The following MIER1 variants were observed in gnomAD, a reference collection of about 807,000 sequenced individuals.
MIER1 encodes mesoderm induction early response protein 1.
Under a neutral mutation model 75.7 loss-of-function variants are expected in MIER1, and 40 were observed. That is an observed-to-expected ratio of 0.53 (90% CI 0.41 to 0.69). MIER1 has a LOEUF of 0.69. Ranked by LOEUF, MIER1 falls within the 30% of genes least tolerant of loss-of-function variation. MIER1 has a pLI of 0.00. For missense variants in MIER1, 574 were observed against 680.2 expected (o/e 0.84, Z 1.74); for synonymous variants, 213 against 223.4 (o/e 0.95, Z 0.42).
chr1:66,929,752 C>T (rs1206519586), intron 2 of MIER1, among the ~76,000 whole-genome samples: 1 of 152,178 alleles, frequency 6.6e-6, no homozygotes, highest in Non-Finnish European at 1.5e-5. Flanking sequence ...AATTTTTGCT[C>T]TGACCTCTCT....
intron 3 of MIER1, chr1:66,940,266 TTTTC>T (rs1355896758): frequency 2.8e-5 from 9 of 324,090 alleles, no homozygotes; most frequent in Admixed American, 6.5e-5. Flanking sequence ...TATTTTTGGG[TTTTC>T]TTTTTTTTTT....
chr1:66,926,840 C>G (rs1371379739), intron 2 of MIER1, among the ~76,000 whole-genome samples: 1 of 152,072 alleles, frequency 6.6e-6, no homozygotes, highest in Non-Finnish European at 1.5e-5. Context: ...ACCCCAGAGT[C>G]TAAATTGTTA....
intron 3 of MIER1, among the ~76,000 whole-genome samples, chr1:66,945,011 A>G (rs1287170168): frequency 6.6e-6 from 1 of 152,074 alleles, no homozygotes; most frequent in Non-Finnish European, 1.5e-5. Context: ...AAGCATGAGC[A>G]ACTACATCCA....
At chr1:66,933,570 A>C (rs1653966522) in intron 2 of MIER1, among the ~76,000 whole-genome samples, 1 of 152,106 alleles carries the variant, frequency 6.6e-6, no homozygotes, top group Non-Finnish European at 1.5e-5. Flanking sequence ...TTTTTTAACG[A>C]AGGATTATGT....
intron 3 of MIER1, among the ~76,000 whole-genome samples, chr1:66,941,437 T>C (rs1274349287): frequency 2.0e-5 from 3 of 152,186 alleles, no homozygotes; most frequent in Non-Finnish European, 2.9e-5. Flanking sequence ...ATTTTTTTTT[T>C]CAAACGCAGA....
Position 66,984,827 on chromosome 1 carries a change from C to G in MIER1, c.1625C>G (p.Pro542Arg), listed in dbSNP as rs770103027. The change falls in exon 14 of 14, where the codon CCA becomes CGA. Residue 542 changes from proline (P) to arginine (R), a missense_variant. Pro to Arg is a moderately radical substitution (Grantham distance 103, BLOSUM62 -2). Transcript: ENST00000401041. ...GTAAACAGCAATGGAAAAGAAAGTC[C>G]AGGTTCTTCTGAATTTTTCCAAGAA... ...RRVNSNGKES[P>R]GSSEFFQEAV... 1.2e-6 allele frequency: 2 copies of G among 1,611,166 alleles called. No individual in the cohort carries two copies. The highest frequency in any genetic ancestry group is 1.3e-5 in the African/African-American group (1 of 74,622).
chr1:66,952,432 A>G (rs12061039), intron 4 of MIER1, among the ~76,000 whole-genome samples: 9,495 of 152,182 alleles, frequency 0.062, 928 homozygotes, highest in African/African-American at 0.22. Flanking sequence ...ACACGATATC[A>G]TTACTGTTTA....
intron 5 of MIER1, among the ~76,000 whole-genome samples, 171 bp downstream of exon 5, chr1:66,958,391 T>C (rs1660593791): frequency 6.6e-6 from 1 of 152,108 alleles, no homozygotes; most frequent in Non-Finnish European, 1.5e-5. Context: ...CCCTGTAATT[T>C]ACTCCTGAGG....
At chr1:66,964,793 C>T (rs1039939377) in intron 8 of MIER1, among the ~76,000 whole-genome samples, 3 of 152,152 alleles carry the variant, frequency 2.0e-5, no homozygotes, top group African/African-American at 4.8e-5. Flanking sequence ...TGTGACATCA[C>T]TCAGGACTAG....
At chr1:66,977,113 CTTT>C (rs777495629) in intron 12 of MIER1, among the ~76,000 whole-genome samples, 1 of 144,028 alleles carries the variant, frequency 6.9e-6, no homozygotes, top group Non-Finnish European at 1.5e-5. Context: ...TTTTAATCTT[CTTT>C]TTTTTTTTTT....
In MIER1 at chr1:66,925,052, TGGCGGCAGCAGCGAAGGTGGC is replaced by T. The variant is rs766348846; in HGVS notation, c.38_58del (p.Glu13_Ser19del). 3.7e-5 allele frequency: 57 copies of T among 1,548,976 alleles called. No individual in the cohort carries two copies. The highest frequency in any genetic ancestry group is 1.7e-4 in the Middle Eastern group (1 of 5,984). ...GGATGGATGGGGCTTCTTCAGGCGG[TGGCGGCAGCAGCGAAGGTGGC>T]GGCGGCAGCAGCGGCAGCGGCTGTA... On this transcript the variant is annotated inframe_deletion, in exon 1 of 14. Transcript: ENST00000401041.
In MIER1 at chr1:66,976,659, A is replaced by G; in HGVS notation, c.1166A>G (p.Tyr389Cys). Residue 389 changes from tyrosine (Y) to cysteine (C), a missense_variant, in exon 12 of 14, where the codon TAT (tyrosine) becomes TGT (cysteine). By Grantham distance (194) the Tyr-to-Cys change is radical. Coordinates refer to ENST00000401041, the MANE Select transcript of MIER1 (RefSeq NM_001077700.3). ...TACATGTGGAAAAAATCTGAACGTTATGATTTCTTTGCTCAGCAAACACGA... is the reference window on the plus strand; with the variant it reads ...TACATGTGGAAAAAATCTGAACGTTGTGATTTCTTTGCTCAGCAAACACGA... The part of the protein sequence containing the change: ...FYYMWKKSER[Y>C]DFFAQQTRFG... 1.9e-6 allele frequency: 3 copies of G among 1,608,330 alleles called. No homozygotes were observed. The highest frequency in any genetic ancestry group is 2.5e-6 in the Non-Finnish European group (3 of 1,177,442).
intron 9 of MIER1, among the ~76,000 whole-genome samples, chr1:66,971,325 G>GT (rs1190654339): frequency 2.0e-5 from 3 of 151,700 alleles, no homozygotes; most frequent in African/African-American, 7.3e-5. Context: ...TTTAATCATT[G>GT]TTTTTTTCTG....
chr1:66,982,883 C>G (rs767105682), intron 13 of MIER1, among the ~76,000 whole-genome samples: 33 of 152,330 alleles, frequency 2.2e-4, no homozygotes, highest in Non-Finnish European at 4.3e-4. Flanking sequence ...GACTTGATGT[C>G]TAATGTTTGT....
intron 2 of MIER1, among the ~76,000 whole-genome samples, chr1:66,936,819 G>C (rs1279325303): frequency 6.6e-6 from 1 of 151,078 alleles, no homozygotes; most frequent in Non-Finnish European, 1.5e-5. Flanking sequence ...GCCAACATGT[G>C]TGAAACCCAT....
chr1:66,987,762 A>AATATAT lies in MIER1; in HGVS notation c.*2870_*2875dup, dbSNP rs147816624. ...AATGATGCATGTTATTGACAAGGCA[A>AATATAT]ATATATATATATACACAGTCTGTTT... On this transcript the variant is annotated 3_prime_UTR_variant, in exon 14 of 14. Transcript: ENST00000401041. The AATATAT allele has an allele frequency of 6.6e-6, 1 of 151,590 alleles. No individual in the cohort carries two copies. Among genetic ancestry groups the AATATAT allele is most frequent in the Admixed American group, 6.6e-5 (1 of 15,204 alleles). The allele number at this position is 151,590 out of a possible 1,614,324, so 9.4% of individuals were successfully genotyped here. A position where few individuals can be genotyped will look rare whatever the true frequency, so the allele number is the denominator to read the frequency against.
intron 3 of MIER1, among the ~76,000 whole-genome samples, chr1:66,941,820 A>T (rs1656284797): frequency 6.6e-6 from 1 of 152,010 alleles, no homozygotes; most frequent in Admixed American, 6.6e-5. Flanking sequence ...AAAATACGAA[A>T]ATTAGCCAGG....
At chr1:66,948,814 G>T (rs1658255557) in intron 4 of MIER1, among the ~76,000 whole-genome samples, 1 of 152,176 alleles carries the variant, frequency 6.6e-6, no homozygotes, top group African/African-American at 2.4e-5. Flanking sequence ...TGGGAGGATT[G>T]CTGGGGTCCA....
intron 2 of MIER1, among the ~76,000 whole-genome samples, chr1:66,926,790 T>A (rs1482517814): frequency 6.6e-6 from 1 of 152,192 alleles, no homozygotes; most frequent in Non-Finnish European, 1.5e-5. Flanking sequence ...TAGAATTTTT[T>A]AGTTTTGGAT....
Sources: gnomAD v4.1 joint callset for allele counts (sites outside exome capture counted in the v4.1 genomes callset) on GRCh38, gnomAD v4.1.1 for gene constraint, MANE v1.5 for transcripts, NCBI Gene and HGNC (gene_info 2026-07-23, HGNC 2026-07-21) for gene names.